Variants in CES4A observed in about 807,000 individuals in gnomAD.
The protein encoded by CES4A is carboxylesterase 6.
A neutral mutation model predicts 65.4 loss-of-function variants in CES4A; 48 were observed. That is an observed-to-expected ratio of 0.73 (90% CI 0.58 to 0.93). CES4A has a LOEUF of 0.93. CES4A is among the 40% of genes least tolerant of loss of function. CES4A has a pLI of 0.00. For synonymous variants in CES4A, 247 were observed against 281.8 expected, an observed-to-expected ratio of 0.88 and a Z score of 1.24; for missense variants, 685 against 728.5, an observed-to-expected ratio of 0.94 and a Z score of 0.69.
chr16:67,008,068 AGCCACCAC>A (rs1965910465), intron 13 of CES4A: 2 of 152,056 alleles, frequency 1.3e-5, no homozygotes, highest in Admixed American at 6.6e-5. Context: ...TACAGGTGTG[AGCCACCAC>A]GCCTAGCCTA....
exon 11 of CES4A, chr16:67,005,291 G>A (rs774233809): frequency 6.2e-7 from 1 of 1,614,106 alleles, no homozygotes; most frequent in South Asian, 1.1e-5. Flanking sequence ...CCTGGACAAT[G>A]TCAATGAGCA....
intron 1 of CES4A, among the ~76,000 whole-genome samples, chr16:66,990,169 A>G (rs1484459039): frequency 6.8e-6 from 1 of 146,674 alleles, no homozygotes; most frequent in African/African-American, 2.5e-5. Flanking sequence ...TCCCCACCTC[A>G]GCCTCCCAAG....
chr16:67,006,660 C>T lies in CES4A; in HGVS notation c.1445-85C>T, dbSNP rs927320748. On this transcript the variant is annotated intron_variant, in intron 12 of 13. Transcript: ENST00000648724. ...TCTCCCAAATGAAAGTCTTCTGCTC[C>T]GGAAGCAGCAGAAGCAGCAGGAGTA... 2.1e-5 allele frequency: 33 copies of T among 1,546,358 alleles called. No homozygotes were observed. The African/African-American group carries it at 2.6e-4, about 12-fold the overall frequency.
chr16:67,009,177 TG>T (rs1966001346), exon 14 of CES4A: 2 of 1,590,922 alleles, frequency 1.3e-6, no homozygotes, highest in African/African-American at 1.3e-5. Flanking sequence ...AAGAGGGGTT[TG>T]CCCCCACCAT....
intron 2 of CES4A, chr16:66,996,070 G>A (rs1202769004): frequency 2.1e-5 from 13 of 612,052 alleles, no homozygotes; most frequent in Middle Eastern, 4.3e-4. Flanking sequence ...ATGGAGTCTC[G>A]CTCTGTCGCC....
intron 11 of CES4A, 102 bp from the exon 12 acceptor site, chr16:67,006,289 G>C: frequency 1.5e-6 from 2 of 1,305,976 alleles, no homozygotes; most frequent in Non-Finnish European, 2.1e-6. Context: ...TGAAGCCAAA[G>C]CTCTTTTTCC....
At position 67,001,377 on chromosome 16, in the gene CES4A, G is replaced by A; in HGVS notation, c.606G>A (p.Gln202=). 2 of 1,613,714 alleles carry A rather than the reference G, an allele frequency of 1.2e-6. No individual in the cohort carries two copies. Among genetic ancestry groups the A allele is most frequent in the Non-Finnish European group, 1.7e-6 (2 of 1,179,936 alleles). The stretch of plus-strand genomic sequence containing the variant: ...AGATGGCGGCTCTGCGCTGGGTGCA[G>A]GAGAACATCGCAGCCTTCGGGGGAG... Residue 202 remains glutamine, a synonymous_variant, in exon 5 of 14, where the codon CAG becomes CAA. Coordinates refer to ENST00000648724, the Ensembl canonical transcript of CES4A. This position sits in a 1 kb window ranked among gnomAD's most constrained non-coding sequence, Gnocchi z 4.1.
At chr16:67,008,873 G>T in intron 13 of CES4A, 101 bp from the exon 14 acceptor site, 1 of 1,228,756 alleles carries the variant, frequency 8.1e-7, no homozygotes. Context: ...AAGCCCTCTG[G>T]AACCCCAAGT....
chr16:67,006,870 T>C (rs1965805553), intron 13 of CES4A, 53 bp downstream of exon 13: 6 of 1,536,610 alleles, frequency 3.9e-6, no homozygotes, highest in South Asian at 2.3e-5. Flanking sequence ...GTGCTGGACC[T>C]GAAGAAGCCA....
intron 2 of CES4A, 96 bp downstream of exon 2, chr16:66,995,925 G>A: frequency 8.2e-7 from 1 of 1,225,292 alleles, no homozygotes; most frequent in South Asian, 1.3e-5. Flanking sequence ...AACTCACTGT[G>A]TGATCACAGG....
At position 67,003,482 on chromosome 16, in the gene CES4A, C is replaced by A; in HGVS notation, c.901-33C>A. ...TCTCAAGAGCACACGAGGGAGACTT[C>A]CTTTAACTCTGATCCCTTCCTCTCC... is the stretch of plus-strand genomic sequence containing the variant. On this transcript the variant is annotated intron_variant, in intron 7 of 13. Transcript: ENST00000648724. The surrounding 1 kb of genome is among the most constrained non-coding windows in gnomAD (Gnocchi z 4.2). The A allele has an allele frequency of 6.2e-7, 1 of 1,609,234 alleles. No individual in the cohort carries two copies. Among genetic ancestry groups the A allele is most frequent in the Non-Finnish European group, 8.5e-7 (1 of 1,175,606 alleles).
In CES4A at chr16:67,000,503, A is replaced by ACACG. The variant is rs998103404; in HGVS notation, c.261-127_261-124dup. On this transcript the variant is annotated intron_variant, in intron 2 of 13. Transcript: ENST00000648724. This position sits in a 1 kb window ranked among gnomAD's most constrained non-coding sequence, Gnocchi z 4.2. ...GCTGGCGGAGGCCTCCTGTACACGC[A>ACACG]CACGCACGCACATGCGCACGCACAC... 4.9e-6 allele frequency: 7 copies of ACACG among 1,438,762 alleles called. No homozygotes were observed. Among genetic ancestry groups the ACACG allele is most frequent in the Non-Finnish European group, 5.5e-6 (6 of 1,096,306 alleles). 89.1% of individuals were successfully genotyped at this position (1,438,762 alleles called of 1,614,324 possible).
chr16:67,003,603 G>C lies in CES4A; in HGVS notation c.939+50G>C. On this transcript the variant is annotated intron_variant, in intron 8 of 13. Transcript: ENST00000648724. The surrounding 1 kb of genome is among the most constrained non-coding windows in gnomAD (Gnocchi z 4.2). ...TGAGTATTTATTTAACACCTACTTT[G>C]TGCCAGGCACTTGGGATACTTAGGG... is the stretch of plus-strand genomic sequence containing the variant. 1 of 1,472,108 alleles carries C rather than the reference G, an allele frequency of 6.8e-7. No homozygotes were observed. Among genetic ancestry groups the C allele is most frequent in the African/African-American group, 1.4e-5 (1 of 72,112 alleles). 91.2% of individuals were successfully genotyped at this position (1,472,108 alleles called of 1,614,324 possible). A position where few individuals can be genotyped will look rare whatever the true frequency, so the allele number is the denominator to read the frequency against.
At chr16:66,999,935 G>A (rs1009987752) in intron 2 of CES4A, among the ~76,000 whole-genome samples, 22 of 152,292 alleles carry the variant, frequency 1.4e-4, no homozygotes, top group African/African-American at 4.8e-4. Context: ...TGAGAGGACT[G>A]AGGCCCACGG....
intron 1 of CES4A, among the ~76,000 whole-genome samples, chr16:66,994,176 T>C (rs1241792472): frequency 6.6e-6 from 1 of 151,936 alleles, no homozygotes; most frequent in African/African-American, 2.4e-5. Flanking sequence ...TTATTGCCAT[T>C]AAATGACGCA....
chr16:67,006,440 A>C (rs1341231771), exon 12 of CES4A: 2 of 1,536,520 alleles, frequency 1.3e-6, no homozygotes, highest in African/African-American at 2.7e-5. Flanking sequence ...ACGCTCGTGG[A>C]ATAATCGTCA....
rs758267599 is a variant in CES4A at position 67,000,922 on chromosome 16, C to T, written c.468C>T (p.Asp156=). ...CTGCTTCTTCGTACGAGGGCTCTGACTTGGCCGCCCGCGAGAAAGTGGTGC... is the reference window on the plus strand; with the variant it reads ...CTGCTTCTTCGTACGAGGGCTCTGATTTGGCCGCCCGCGAGAAAGTGGTGC... The change falls in exon 4 of 14, where the codon GAC becomes GAT. Residue 156 remains aspartate (D), a synonymous_variant. Transcript: ENST00000648724. The surrounding 1 kb of genome is among the most constrained non-coding windows in gnomAD (Gnocchi z 4.2). 1 of 1,613,200 alleles carries T rather than the reference C, an allele frequency of 6.2e-7. No individual in the cohort carries two copies.
intron 1 of CES4A, among the ~76,000 whole-genome samples, chr16:66,994,459 C>A (rs1964648092): frequency 6.6e-6 from 1 of 150,818 alleles, no homozygotes; most frequent in South Asian, 2.1e-4. Flanking sequence ...GATCCACCCA[C>A]CTTGGCCTCC....
chr16:66,990,127 C>G (rs1475970247), intron 1 of CES4A, among the ~76,000 whole-genome samples: 1 of 150,774 alleles, frequency 6.6e-6, no homozygotes, highest in African/African-American at 2.4e-5. Context: ...CTCCGCTCAC[C>G]GCAACCTCCA....
Sources: gnomAD v4.1 joint callset for allele counts (sites outside exome capture counted in the v4.1 genomes callset) on GRCh38, gnomAD v4.1.1 for gene constraint, Gnocchi (gnomAD v3.1) non-coding constraint, MANE v1.5 for transcripts, NCBI Gene and HGNC (gene_info 2026-07-23, HGNC 2026-07-21) for gene names.